Variants in NR4A3 observed in about 807,000 individuals in gnomAD.
The protein encoded by NR4A3 is nuclear receptor subfamily 4 group A member 3.
In NR4A3, 13 loss-of-function variants were observed where a neutral mutation model predicts 55.6. That is an observed-to-expected ratio of 0.23 (90% confidence interval 0.15 to 0.37). The LOEUF is 0.37. NR4A3 is among the 10% of genes least tolerant of loss of function. The pLI is 1.00. For synonymous variants in NR4A3, 342 were observed against 357.9 expected, an observed-to-expected ratio of 0.96 and a Z score of 0.50; for missense variants, 646 against 822.8, an observed-to-expected ratio of 0.79 and a Z score of 2.63.
chr9:99,846,839 G>T (rs1303836887), intron 6 of NR4A3, among the ~76,000 whole-genome samples: 1 of 152,116 alleles, frequency 6.6e-6, no homozygotes, highest in Non-Finnish European at 1.5e-5. Context: ...GTAGAGATTG[G>T]GTTTCACTAT....
intron 5 of NR4A3, among the ~76,000 whole-genome samples, chr9:99,838,484 T>C (rs1053307000): frequency 6.6e-6 from 1 of 152,204 alleles, no homozygotes. Context: ...CCTCTCAAAT[T>C]GTTACCAATT....
chr9:99,842,330 T>C (rs1428218328), intron 5 of NR4A3, among the ~76,000 whole-genome samples: 1 of 152,156 alleles, frequency 6.6e-6, no homozygotes, highest in East Asian at 1.9e-4. Flanking sequence ...TCAACAGTTA[T>C]TTATTGAGGT....
intron 7 of NR4A3, among the ~76,000 whole-genome samples, chr9:99,862,130 C>G (rs539086219): frequency 2.0e-5 from 3 of 151,836 alleles, no homozygotes; most frequent in Admixed American, 2.0e-4. Flanking sequence ...AAATTAGAAA[C>G]TATTGCTTGA....
chr9:99,841,316 T>TC (rs1827647371), intron 5 of NR4A3, among the ~76,000 whole-genome samples: 1 of 151,598 alleles, frequency 6.6e-6, no homozygotes, highest in Non-Finnish European at 1.5e-5. Flanking sequence ...TGGACTTTGC[T>TC]CCCATGGTCT....
chr9:99,850,448 G>C (rs955113432), intron 7 of NR4A3, among the ~76,000 whole-genome samples: 4 of 152,146 alleles, frequency 2.6e-5, no homozygotes, highest in Non-Finnish European at 5.9e-5. Context: ...GGAGAGACTG[G>C]GCAGTTCAGT....
chr9:99,857,804 G>A (rs1827952890), intron 7 of NR4A3, among the ~76,000 whole-genome samples: 1 of 147,546 alleles, frequency 6.8e-6, no homozygotes, highest in African/African-American at 2.5e-5. Context: ...ATAAGTGGTA[G>A]AGTTCAGGTC....
At chr9:99,845,653 A>G (rs1438333364) in intron 6 of NR4A3, among the ~76,000 whole-genome samples, 2 of 152,144 alleles carry the variant, frequency 1.3e-5, no homozygotes, top group Non-Finnish European at 2.9e-5. Flanking sequence ...CCAATTTCAT[A>G]TCACTACCAG....
intron 1 of NR4A3, among the ~76,000 whole-genome samples, chr9:99,823,191 G>A (rs969758608): frequency 2.0e-5 from 3 of 152,034 alleles, no homozygotes; most frequent in Non-Finnish European, 4.4e-5. Context: ...GCTTTTTCAC[G>A]GACAGAACTC....
intron 7 of NR4A3, among the ~76,000 whole-genome samples, chr9:99,862,468 C>T (rs924676586): frequency 1.4e-4 from 19 of 140,466 alleles, no homozygotes; most frequent in African/African-American, 1.1e-4. Flanking sequence ...TCGCTTGAAT[C>T]GGGGTGGAGG....
intron 4 of NR4A3, 50 bp downstream of exon 4, chr9:99,832,868 A>G: frequency 7.2e-7 from 1 of 1,391,090 alleles, no homozygotes; most frequent in Non-Finnish European, 9.5e-7. Context: ...ATTATCAGAA[A>G]TCAGTGAAAA....
At chr9:99,830,680 C>T (rs1827421397) in intron 3 of NR4A3, among the ~76,000 whole-genome samples, 1 of 152,172 alleles carries the variant, frequency 6.6e-6, no homozygotes, top group Admixed American at 6.5e-5. Context: ...TTTAACTACT[C>T]AAGCTTTATC....
chr9:99,828,201 G>A lies in NR4A3; in HGVS notation c.159G>A (p.Thr53=). The A allele has an allele frequency of 1.9e-6, 3 of 1,613,984 alleles. No homozygotes were observed. The highest frequency in any genetic ancestry group is 2.5e-6 in the Non-Finnish European group (3 of 1,179,990). ...GSTEITATAT[T]SLPSISTFVE... is the part of the protein sequence containing the mutation. ...CTGAGATCACGGCTACAGCCACCACGTCCCTGCCCAGCATCAGTACCTTCG... is the reference window on the plus strand; with the variant it reads ...CTGAGATCACGGCTACAGCCACCACATCCCTGCCCAGCATCAGTACCTTCG... Residue 53 remains threonine, a synonymous_variant, in exon 3 of 8, where the codon ACG becomes ACA. Transcript: ENST00000395097. The surrounding 1 kb of genome is among the most constrained non-coding windows in gnomAD (Gnocchi z 7.7).
chr9:99,832,611 G>T, intron 3 of NR4A3, 78 bp from the exon 4 acceptor site: 16 of 1,200,694 alleles, frequency 1.3e-5, no homozygotes, highest in East Asian at 2.7e-5. Context: ...TTTTCACATT[G>T]TAATTAAAAT....
At chr9:99,826,925 C>A in intron 2 of NR4A3, 4 of 808,728 alleles carry the variant, frequency 4.9e-6, no homozygotes, top group South Asian at 3.3e-5. Flanking sequence ...AAACCAACCA[C>A]CAAAAACCGC....
chr9:99,844,550 G>T, intron 5 of NR4A3, 99 bp from the exon 6 acceptor site: 2 of 886,282 alleles, frequency 2.3e-6, no homozygotes, highest in East Asian at 2.5e-5. Context: ...CTAAAAGTAA[G>T]AATTTAGGCA....
intron 1 of NR4A3, among the ~76,000 whole-genome samples, chr9:99,823,732 C>T (rs756146495): frequency 6.6e-6 from 1 of 152,024 alleles, no homozygotes; most frequent in Admixed American, 6.6e-5. Context: ...ACGTCCGCTC[C>T]GCCCCCCACC....
At position 99,847,477 on chromosome 9, in the gene NR4A3, C is replaced by A; in HGVS notation, c.1495C>A (p.Leu499Ile). ...AGATAAGTTTGTGTTCTGCAATGGA[C>A]TTGTCCTGCATCGACTTCAGTGCCT... ...AEDKFVFCNG[L>I]VLHRLQCLRG... The change falls in exon 7 of 8, where the codon CTT becomes ATT. Residue 499 changes from leucine to isoleucine, a missense_variant. By Grantham distance (5) the Leu-to-Ile change is conservative (BLOSUM62 2). Transcript: ENST00000395097. 1 of 1,614,212 alleles carries A rather than the reference C, an allele frequency of 6.2e-7. No homozygotes were observed. The highest frequency in any genetic ancestry group is 1.1e-5 in the South Asian group (1 of 91,084).
chr9:99,826,741 C>T, intron 2 of NR4A3: 1 of 1,612,550 alleles, frequency 6.2e-7, no homozygotes. Context: ...CCCTCATCAC[C>T]TTTTTTCAAG....
chr9:99,844,879 G>A (rs370027256), intron 6 of NR4A3, 31 bp downstream of exon 6: 15 of 1,529,708 alleles, frequency 9.8e-6, no homozygotes, highest in East Asian at 2.3e-5. Context: ...TTCAGTCTAC[G>A]TCCTTTGAAG....
Sources: allele counts gnomAD v4.1 joint callset (sites outside exome capture counted in the v4.1 genomes callset), GRCh38; gene constraint gnomAD v4.1.1; non-coding constraint Gnocchi (gnomAD v3.1); transcripts MANE v1.5; gene names NCBI Gene and HGNC (gene_info 2026-07-23, HGNC 2026-07-21).